TRAF3IP2: variants seen among roughly 807,000 people sequenced by gnomAD.
TRAF3IP2 encodes TRAF3 interacting protein 2.
Under a neutral mutation model 57.9 loss-of-function variants are expected in TRAF3IP2, and 35 were observed. That is an observed-to-expected ratio of 0.60 (90% CI 0.46 to 0.80). The LOEUF is 0.80. Ranked by LOEUF, TRAF3IP2 falls within the 30% of genes least tolerant of loss-of-function variation. TRAF3IP2 has a pLI of 0.00. For missense variants in TRAF3IP2, 556 were observed against 706.4 expected, an observed-to-expected ratio of 0.79 and a Z score of 2.41; for synonymous variants, 251 against 268.9, an observed-to-expected ratio of 0.93 and a Z score of 0.65.
intron 1 of TRAF3IP2, among the ~76,000 whole-genome samples, chr6:111,599,214 T>G (rs1796785380): frequency 6.6e-6 from 1 of 152,022 alleles, no homozygotes; most frequent in South Asian, 2.1e-4. Context: ...AGCCTGACAG[T>G]AGCTTTTAAT....
chr6:111,563,667 G>C (rs1583214242), intron 7 of TRAF3IP2, among the ~76,000 whole-genome samples: 1 of 152,224 alleles, frequency 6.6e-6, no homozygotes, highest in East Asian at 1.9e-4. Flanking sequence ...TGGTCAAGTA[G>C]GGAAAACAGA....
intron 1 of TRAF3IP2, among the ~76,000 whole-genome samples, chr6:111,602,715 A>C (rs1407492517): frequency 6.6e-6 from 1 of 152,086 alleles, no homozygotes; most frequent in Non-Finnish European, 1.5e-5. Context: ...TCAGAGTAGG[A>C]AGAGAGTTCA....
intron 3 of TRAF3IP2, among the ~76,000 whole-genome samples, chr6:111,578,798 TC>T (rs1266159175): frequency 6.6e-6 from 1 of 152,242 alleles, no homozygotes; most frequent in Non-Finnish European, 1.5e-5. Flanking sequence ...ATTACCGCTT[TC>T]TGTATTTCTG....
At chr6:111,578,647 GAA>G (rs1423005300) in intron 3 of TRAF3IP2, among the ~76,000 whole-genome samples, 1 of 152,018 alleles carries the variant, frequency 6.6e-6, no homozygotes, top group Non-Finnish European at 1.5e-5. Context: ...TGTCCCAAAA[GAA>G]AGAGAGAAAA....
intron 2 of TRAF3IP2, among the ~76,000 whole-genome samples, chr6:111,590,806 G>A (rs550781856): frequency 9.9e-5 from 15 of 152,210 alleles, no homozygotes; most frequent in Admixed American, 8.5e-4. Context: ...ATGACATTCT[G>A]GGCACCTTCT....
chr6:111,572,878 T>C lies in TRAF3IP2; in HGVS notation c.1290+17A>G, dbSNP rs1371188689. 6.2e-7 allele frequency: 1 copy of C among 1,603,096 alleles called. No individual in the cohort carries two copies. Among genetic ancestry groups the C allele is most frequent in the South Asian group, 1.1e-5 (1 of 90,816 alleles). On this transcript the variant is annotated intron_variant, in intron 5 of 8. Transcript: ENST00000368761. ...TCACTATAACTGTTCAGTTATCTATTTGGACAAAATACTTACTGCAGTTTG... is the reference window on the plus strand; with the variant it reads ...TCACTATAACTGTTCAGTTATCTATCTGGACAAAATACTTACTGCAGTTTG...
chr6:111,581,589 C>T (rs563589418), intron 2 of TRAF3IP2, among the ~76,000 whole-genome samples: 2 of 152,098 alleles, frequency 1.3e-5, no homozygotes, highest in East Asian at 3.9e-4. Flanking sequence ...AGATAGGATA[C>T]ATATATGGAT....
intron 2 of TRAF3IP2, 26 bp from the exon 3 acceptor site, chr6:111,580,415 C>G (rs1796119518): frequency 6.6e-7 from 1 of 1,519,054 alleles, no homozygotes; most frequent in African/African-American, 1.4e-5. Flanking sequence ...ACAAAGACAA[C>G]AGGGAACATC....
At chr6:111,599,392 G>A (rs1051579108) in intron 1 of TRAF3IP2, among the ~76,000 whole-genome samples, 11 of 151,988 alleles carry the variant, frequency 7.2e-5, no homozygotes, top group African/African-American at 2.2e-4. Flanking sequence ...ACTCTGCCCC[G>A]AGCTGCCTAG....
At chr6:111,597,425 C>T (rs1437177472) in intron 1 of TRAF3IP2, among the ~76,000 whole-genome samples, 1 of 152,134 alleles carries the variant, frequency 6.6e-6, no homozygotes, top group African/African-American at 2.4e-5. Context: ...CCACACAGGC[C>T]CCCTCCAGCC....
chr6:111,561,090 G>A (rs1356036094), intron 8 of TRAF3IP2, among the ~76,000 whole-genome samples: 1 of 151,984 alleles, frequency 6.6e-6, no homozygotes, highest in Non-Finnish European at 1.5e-5. Flanking sequence ...GCTGAGGCAG[G>A]AGAATTGCTT....
At chr6:111,577,168 C>A (rs1348907579) in intron 3 of TRAF3IP2, 1 of 148,646 alleles carries the variant, frequency 6.7e-6, no homozygotes, top group African/African-American at 2.5e-5. Flanking sequence ...TTTTATTTCT[C>A]CAAGAAAAAC....
In TRAF3IP2 at chr6:111,556,285, T is replaced by G. The variant is rs1441728997; in HGVS notation, c.*3120A>C. Among the ~76,000 whole-genome samples the G allele has an allele frequency of 2.0e-5, 3 of 152,062 alleles. No homozygotes were observed. Among genetic ancestry groups the G allele is most frequent in the Non-Finnish European group, 4.4e-5 (3 of 68,010 alleles). On this transcript the variant is annotated 3_prime_UTR_variant, in exon 9 of 9. Coordinates refer to ENST00000368761, the MANE Select transcript of TRAF3IP2 (RefSeq NM_147686.4). ...TACCAGTGCTACCAGCTGTAACACT[T>G]TAATGACTCTTTGTGGAACACCAGG...
intron 5 of TRAF3IP2, among the ~76,000 whole-genome samples, chr6:111,568,489 G>A (rs535399442): frequency 1.1e-4 from 9 of 83,930 alleles, no homozygotes; most frequent in African/African-American, 3.7e-4. Flanking sequence ...GTGTGTGTGT[G>A]TACGTGCACG....
intron 2 of TRAF3IP2, among the ~76,000 whole-genome samples, 160 bp from the exon 3 acceptor site, chr6:111,580,549 A>G (rs76598483): frequency 0.014 from 2,153 of 152,304 alleles, 61 homozygotes; most frequent in African/African-American, 0.049. Context: ...TCTACTGTTA[A>G]TTACTTGAGT....
chr6:111,566,772 C>T (rs1795654422), intron 6 of TRAF3IP2, among the ~76,000 whole-genome samples: 1 of 152,154 alleles, frequency 6.6e-6, no homozygotes, highest in Non-Finnish European at 1.5e-5. Flanking sequence ...GAGAGGGGCT[C>T]TCTCAAATAG....
chr6:111,591,880 A>G lies in TRAF3IP2; in HGVS notation c.207T>C (p.Leu69=). The change falls in exon 2 of 9, where the codon CTT becomes CTC. Residue 69 remains leucine, a synonymous_variant. Coordinates refer to ENST00000368761, the MANE Select transcript of TRAF3IP2 (RefSeq NM_147686.4). This position sits in a 1 kb window ranked among gnomAD's most constrained non-coding sequence, Gnocchi z 4.9. The part of the protein sequence containing the change: ...DFSQAHSTLK[L]ANHQRPVSRQ... Reference sequence around the variant, plus strand: ...GGGATACAGGCCGCTGGTGATTTGCAAGTTTCAGGGTTGAGTGAGCTTGAG... The same window carrying G: ...GGGATACAGGCCGCTGGTGATTTGCGAGTTTCAGGGTTGAGTGAGCTTGAG... 6.2e-7 allele frequency: 1 copy of G among 1,614,206 alleles called. No individual in the cohort carries two copies. Among genetic ancestry groups the G allele is most frequent in the Middle Eastern group, 1.6e-4 (1 of 6,062 alleles).
chr6:111,568,631 T>C (rs1583219112), intron 5 of TRAF3IP2, among the ~76,000 whole-genome samples: 1 of 152,208 alleles, frequency 6.6e-6, no homozygotes, highest in South Asian at 2.1e-4. Flanking sequence ...CTAAATGTCA[T>C]TCCAGGCCAG....
intron 1 of TRAF3IP2, among the ~76,000 whole-genome samples, chr6:111,596,208 TA>T (rs1291127110): frequency 7.9e-5 from 12 of 152,238 alleles, no homozygotes; most frequent in Non-Finnish European, 1.0e-4. Context: ...ATGTATATGA[TA>T]TACACAAATA....
Sources: allele counts gnomAD v4.1 joint callset (sites outside exome capture counted in the v4.1 genomes callset), GRCh38; gene constraint gnomAD v4.1.1; non-coding constraint Gnocchi (gnomAD v3.1); transcripts MANE v1.5; gene names NCBI Gene and HGNC (gene_info 2026-07-23, HGNC 2026-07-21).